The following GRB14 variants were observed in gnomAD, a reference collection of about 807,000 sequenced individuals.
GRB14 encodes the protein growth factor receptor bound protein 14.
Under a neutral mutation model 69.1 loss-of-function variants are expected in GRB14, and 38 were observed. The ratio of observed to expected loss-of-function variants is 0.55; its 90% CI spans 0.42 to 0.72. GRB14 has a LOEUF of 0.72. Among genes scored for constraint, GRB14 ranks in the 30% least tolerant of loss-of-function variants. The pLI is 0.00. For synonymous variants in GRB14, 247 were observed against 241.3 expected (o/e 1.02, Z -0.22); for missense variants, 666 against 666.1 (o/e 1.00, Z 0.00).
intron 2 of GRB14, among the ~76,000 whole-genome samples, chr2:164,577,091 T>C (rs192667900): frequency 2.5e-4 from 38 of 152,206 alleles, no homozygotes; most frequent in African/African-American, 8.9e-4. Flanking sequence ...AAGAAATTAA[T>C]TGCTATAGAA....
intron 2 of GRB14, among the ~76,000 whole-genome samples, chr2:164,564,678 T>TGTA (rs1381784417): frequency 6.6e-6 from 1 of 152,176 alleles, no homozygotes; most frequent in African/African-American, 2.4e-5. Flanking sequence ...CTCCTGTAAT[T>TGTA]GTAGCATGGA....
chr2:164,533,224 CTTTTTTTTTT>C (rs537913705), intron 3 of GRB14, among the ~76,000 whole-genome samples: 2,440 of 80,474 alleles, frequency 0.03, 80 homozygotes, highest in African/African-American at 0.11. Flanking sequence ...GTTTCCAATT[CTTTTTTTTTT>C]TTTTTTTTTT....
chr2:164,587,147 C>T (rs924626681), intron 2 of GRB14, among the ~76,000 whole-genome samples: 6 of 152,024 alleles, frequency 3.9e-5, no homozygotes, highest in Admixed American at 2.0e-4. Flanking sequence ...AAACCAACAA[C>T]GAATCAAAAC....
At chr2:164,560,990 A>G (rs73020288) in intron 2 of GRB14, among the ~76,000 whole-genome samples, 3,230 of 152,240 alleles carry the variant, frequency 0.021, 111 homozygotes, top group African/African-American at 0.074. Context: ...CTGCCAAAAA[A>G]GAGATTATTA....
At chr2:164,497,167 T>C (rs773345414) in intron 11 of GRB14, 44 bp downstream of exon 11, 27 of 1,597,650 alleles carry the variant, frequency 1.7e-5, no homozygotes, top group South Asian at 2.2e-5. Context: ...GTCCTTTCCA[T>C]GTCTATCCGT....
At chr2:164,601,722 T>C (rs1452760070) in intron 2 of GRB14, among the ~76,000 whole-genome samples, 3 of 152,138 alleles carry the variant, frequency 2.0e-5, no homozygotes, top group Non-Finnish European at 2.9e-5. Context: ...TCATCATTAA[T>C]ATAAAGGTAC....
intron 2 of GRB14, among the ~76,000 whole-genome samples, chr2:164,602,399 G>A (rs1366704566): frequency 1.3e-5 from 2 of 152,054 alleles, no homozygotes; most frequent in Non-Finnish European, 2.9e-5. Context: ...TGACATGCTG[G>A]AATAATAGGT....
intron 2 of GRB14, among the ~76,000 whole-genome samples, chr2:164,550,725 A>AT (rs1448144823): frequency 1.3e-5 from 2 of 152,106 alleles, no homozygotes; most frequent in Non-Finnish European, 2.9e-5. Context: ...ACATCCAACA[A>AT]TAAAAAAAAA....
chr2:164,554,293 ATAT>A (rs1291445015), intron 2 of GRB14, among the ~76,000 whole-genome samples: 5 of 152,170 alleles, frequency 3.3e-5, no homozygotes, highest in Admixed American at 1.3e-4. Flanking sequence ...TAATAAAAGG[ATAT>A]TATACATTTC....
rs138780188 is a variant in GRB14 at position 164,561,960 on chromosome 2, A to G, written c.325-14144T>C. On this transcript the variant is annotated intron_variant, in intron 2 of 13. Transcript: ENST00000263915. Reference sequence around the variant, plus strand: ...CAGCTTTTCATCCCAAAAGATGAGAAACTTGGCAAAAATTAAAGAAAAGCA... The same window carrying G: ...CAGCTTTTCATCCCAAAAGATGAGAGACTTGGCAAAAATTAAAGAAAAGCA... Among the ~76,000 whole-genome samples the G allele has an allele frequency of 1.8e-4, 27 of 152,348 alleles. 1 individual carries two copies. In the East Asian group the frequency reaches 2.5e-3, roughly 14 times the overall value.
intron 2 of GRB14, among the ~76,000 whole-genome samples, chr2:164,591,116 C>G (rs1481561918): frequency 6.6e-6 from 1 of 152,140 alleles, no homozygotes; most frequent in African/African-American, 2.4e-5. Flanking sequence ...CTCAAAACAA[C>G]AGTTAAATAG....
chr2:164,570,451 A>G (rs1015342163), intron 2 of GRB14, among the ~76,000 whole-genome samples: 2 of 152,204 alleles, frequency 1.3e-5, no homozygotes. Flanking sequence ...TCACTGTCTC[A>G]TAGTGGAATA....
At chr2:164,597,337 A>C (rs546557292) in intron 2 of GRB14, among the ~76,000 whole-genome samples, 426 of 152,332 alleles carry the variant, frequency 2.8e-3, no homozygotes, top group African/African-American at 9.9e-3. Context: ...TAATAAAAAG[A>C]AGCTGTAGCT....
chr2:164,548,103 G>A (rs1011908405), intron 2 of GRB14, among the ~76,000 whole-genome samples: 1 of 152,052 alleles, frequency 6.6e-6, no homozygotes, highest in African/African-American at 2.4e-5. Flanking sequence ...AGCTCTAGAT[G>A]TGTTCATCCC....
At chr2:164,568,433 T>C (rs1031388066) in intron 2 of GRB14, 1 of 1,247,366 alleles carries the variant, frequency 8.0e-7, no homozygotes. Flanking sequence ...ATAAAAGAAA[T>C]CTTTTATGGT....
intron 2 of GRB14, among the ~76,000 whole-genome samples, chr2:164,581,342 A>G (rs1035105890): frequency 2.0e-5 from 3 of 152,134 alleles, no homozygotes; most frequent in African/African-American, 7.2e-5. Flanking sequence ...AGGGAAGATT[A>G]CCCTGAATTA....
At chr2:164,595,457 A>G (rs1558875785) in intron 2 of GRB14, among the ~76,000 whole-genome samples, 1 of 152,230 alleles carries the variant, frequency 6.6e-6, no homozygotes, top group Non-Finnish European at 1.5e-5. Context: ...ACATTAGGAA[A>G]TGCTATCTAG....
intron 3 of GRB14, among the ~76,000 whole-genome samples, chr2:164,533,322 T>C (rs1687999417): frequency 7.7e-6 from 1 of 130,372 alleles, no homozygotes; most frequent in Non-Finnish European, 1.6e-5. Flanking sequence ...AAGCTCCGCC[T>C]CCCGGGTTCA....
intron 2 of GRB14, among the ~76,000 whole-genome samples, chr2:164,569,892 C>T (rs372457635): frequency 1.3e-5 from 2 of 152,140 alleles, no homozygotes; most frequent in East Asian, 3.9e-4. Flanking sequence ...CCAACTAATA[C>T]AGCGATGGGG....
Sources: allele counts gnomAD v4.1 joint callset (sites outside exome capture counted in the v4.1 genomes callset), GRCh38; gene constraint gnomAD v4.1.1; transcripts MANE v1.5; gene names NCBI Gene and HGNC (gene_info 2026-07-23, HGNC 2026-07-21).